The following DLG2 variants were observed in gnomAD, a reference collection of about 807,000 sequenced individuals.
DLG2 encodes the protein discs large MAGUK scaffold protein 2.
In DLG2, 45 loss-of-function variants were observed where a neutral mutation model predicts 132.5. The observed-to-expected ratio is 0.34, with a 90% CI of 0.27 to 0.44. The LOEUF is 0.44. DLG2 is among the 20% of genes least tolerant of loss of function. The pLI is 1.00. For synonymous variants in DLG2, 424 were observed against 419.6 expected (o/e 1.01, Z -0.13); for missense variants, 1,045 against 1,196.9 (o/e 0.87, Z 1.87).
rs1050808204 is a variant in DLG2, at chr11:83,984,435, T to G, written c.920-3793A>C. On this transcript the variant is annotated intron_variant, in intron 11 of 27. Coordinates refer to ENST00000376104, the MANE Select transcript of DLG2 (RefSeq NM_001142699.3). ...GCATGTGTTTAAAAACAATTAAAAT[T>G]TATTTAACACTTAATCATATTCTAA... Among the ~76,000 whole-genome samples the G allele has an allele frequency of 3.3e-5, 5 of 152,272 alleles. 1 individual carries two copies. Among genetic ancestry groups the G allele is most frequent in the Middle Eastern group, 6.8e-3 (2 of 294 alleles).
chr11:83,813,752 G>T (rs2048027199), intron 17 of DLG2, among the ~76,000 whole-genome samples: 1 of 152,052 alleles, frequency 6.6e-6, no homozygotes, highest in African/African-American at 2.4e-5. Flanking sequence ...TCTTGCAAGT[G>T]CTTTATCAAC....
chr11:84,439,561 T>C (rs920206366), intron 7 of DLG2, among the ~76,000 whole-genome samples: 9 of 152,312 alleles, frequency 5.9e-5, no homozygotes, highest in African/African-American at 2.2e-4. Context: ...AGGCAACCCC[T>C]GTGCAAATTT....
chr11:84,772,166 C>CA lies in DLG2; in HGVS notation c.358-237436dup, dbSNP rs1019216810. On this transcript the variant is annotated intron_variant, in intron 6 of 27. Coordinates refer to ENST00000376104, the MANE Select transcript of DLG2 (RefSeq NM_001142699.3). Reference sequence around the variant, plus strand: ...CAACAATAAAAACGACAACAAAAACCAAAAAAAAAAGAAGGGCATTACGTA... The same window carrying CA: ...CAACAATAAAAACGACAACAAAAACCAAAAAAAAAAAGAAGGGCATTACGTA... Among the ~76,000 whole-genome samples, 739 of 145,214 alleles carry CA rather than the reference C, an allele frequency of 5.1e-3. 6 individuals carry two copies. The highest frequency in any genetic ancestry group is 0.011 in the African/African-American group (445 of 39,684).
At chr11:84,907,549 C>T (rs1780206950) in intron 6 of DLG2, among the ~76,000 whole-genome samples, 1 of 152,102 alleles carries the variant, frequency 6.6e-6, no homozygotes, top group South Asian at 2.1e-4. Context: ...CAACACAAAA[C>T]AGTTTCTTCG....
chr11:85,513,807 C>T (rs899964393), intron 3 of DLG2, among the ~76,000 whole-genome samples: 1 of 151,888 alleles, frequency 6.6e-6, no homozygotes, highest in Non-Finnish European at 1.5e-5. Flanking sequence ...TTATATTTAA[C>T]CTATTGATAC....
At chr11:84,852,558 T>C (rs1428886961) in intron 6 of DLG2, among the ~76,000 whole-genome samples, 1 of 151,878 alleles carries the variant, frequency 6.6e-6, no homozygotes, top group East Asian at 1.9e-4. Context: ...ATTTAGAGAG[T>C]AATAAATAGT....
chr11:84,064,551 T>C (rs1295075511), intron 10 of DLG2, among the ~76,000 whole-genome samples: 5 of 152,180 alleles, frequency 3.3e-5, no homozygotes, highest in Non-Finnish European at 7.3e-5. Context: ...ATAATGAGAT[T>C]GTTATTGACT....
chr11:84,253,425 T>C (rs1186511314), intron 7 of DLG2, among the ~76,000 whole-genome samples: 1 of 152,236 alleles, frequency 6.6e-6, no homozygotes, highest in Non-Finnish European at 1.5e-5. Flanking sequence ...TTGAGTGTGC[T>C]TGGTAAACAG....
chr11:85,395,244 A>G (rs950771536), intron 3 of DLG2, among the ~76,000 whole-genome samples: 2 of 152,214 alleles, frequency 1.3e-5, no homozygotes, highest in African/African-American at 2.4e-5. Context: ...CTCACAGAAG[A>G]GTAACATTTA....
At chr11:84,041,364 G>C (rs990471801) in intron 11 of DLG2, among the ~76,000 whole-genome samples, 1 of 151,828 alleles carries the variant, frequency 6.6e-6, no homozygotes, top group African/African-American at 2.4e-5. Context: ...AGATATTTTG[G>C]TATTGCTCTC....
At chr11:83,750,170 T>G (rs2093209359) in intron 18 of DLG2, among the ~76,000 whole-genome samples, 1 of 152,214 alleles carries the variant, frequency 6.6e-6, no homozygotes, top group East Asian at 1.9e-4. Context: ...GATTCCCATC[T>G]GAAGCAGCTC....
intron 6 of DLG2, among the ~76,000 whole-genome samples, chr11:84,607,388 T>C (rs748744078): frequency 2.9e-4 from 44 of 152,268 alleles, no homozygotes; most frequent in Non-Finnish European, 5.1e-4. Flanking sequence ...CTTCCACTTC[T>C]TGATGCATAG....
At chr11:83,821,231 T>G (rs1012906548) in intron 17 of DLG2, among the ~76,000 whole-genome samples, 7 of 152,132 alleles carry the variant, frequency 4.6e-5, no homozygotes, top group Admixed American at 4.6e-4. Context: ...ATGCTGCCCT[T>G]GGGAATTTGA....
intron 6 of DLG2, among the ~76,000 whole-genome samples, chr11:84,781,581 A>C (rs185518447): frequency 1.2e-4 from 19 of 152,248 alleles, no homozygotes; most frequent in Admixed American, 7.2e-4. Context: ...AAGTATTCTA[A>C]GACATTTATA....
At chr11:84,685,546 C>T (rs944523086) in intron 6 of DLG2, among the ~76,000 whole-genome samples, 3 of 152,182 alleles carry the variant, frequency 2.0e-5, no homozygotes, top group African/African-American at 7.2e-5. Context: ...CATTCTTTTC[C>T]TGCAGCTCAC....
chr11:84,540,591 T>C (rs2099366165), intron 6 of DLG2, among the ~76,000 whole-genome samples: 1 of 152,142 alleles, frequency 6.6e-6, no homozygotes, highest in Admixed American at 6.5e-5. Context: ...ACACTGTTGG[T>C]GGGACCGTAA....
chr11:83,610,378 GA>G (rs1482821149), intron 19 of DLG2, among the ~76,000 whole-genome samples: 1 of 152,174 alleles, frequency 6.6e-6, no homozygotes, highest in African/African-American at 2.4e-5. Context: ...ATCAGTGTGG[GA>G]AAAAGGAATG....
At chr11:83,601,510 C>CTGTTTTTTTTT (rs2058540600) in intron 19 of DLG2, among the ~76,000 whole-genome samples, 1 of 94,538 alleles carries the variant, frequency 1.1e-5, no homozygotes, top group African/African-American at 4.1e-5. Flanking sequence ...ATGTGATGTT[C>CTGTTTTTTTTT]TTTTTTTTTT....
chr11:85,578,601 CAT>C (rs1385507590), intron 3 of DLG2, among the ~76,000 whole-genome samples: 1 of 152,078 alleles, frequency 6.6e-6, no homozygotes, highest in African/African-American at 2.4e-5. Context: ...CAAAAGAAAA[CAT>C]ACATATGCCA....
Sources: gnomAD v4.1 joint callset for allele counts (sites outside exome capture counted in the v4.1 genomes callset) on GRCh38, gnomAD v4.1.1 for gene constraint, MANE v1.5 for transcripts, NCBI Gene and HGNC (gene_info 2026-07-23, HGNC 2026-07-21) for gene names.